The following FHAD1 variants were observed in gnomAD, a reference collection of about 807,000 sequenced individuals.
FHAD1 encodes the protein forkhead-associated domain-containing protein 1.
A neutral mutation model predicts 191.3 loss-of-function variants in FHAD1; 146 were observed. The ratio of observed to expected loss-of-function variants is 0.76; its 90% confidence interval spans 0.67 to 0.88. FHAD1 has a LOEUF of 0.88. FHAD1 is among the 40% of genes least tolerant of loss of function. The pLI is 0.00. For synonymous variants in FHAD1, 616 were observed against 672.3 expected (o/e 0.92, Z 1.29); for missense variants, 1,635 against 1,785.8 (o/e 0.92, Z 1.52).
chr1:15,303,253 G>A (rs1310088328), intron 6 of FHAD1, among the ~76,000 whole-genome samples: 2 of 152,200 alleles, frequency 1.3e-5, no homozygotes, highest in Non-Finnish European at 2.9e-5. Flanking sequence ...TTTTGAAAGA[G>A]CAATGAAAGG....
At chr1:15,361,474 G>A (rs773603122) in intron 22 of FHAD1, among the ~76,000 whole-genome samples, 1 of 151,592 alleles carries the variant, frequency 6.6e-6, no homozygotes, top group South Asian at 2.1e-4. Context: ...CAGCAAGCTG[G>A]CAAGCCATCA....
chr1:15,374,485 C>T lies in FHAD1; in HGVS notation c.3448-17C>T, dbSNP rs967777950. On this transcript the variant is annotated splice_polypyrimidine_tract_variant and intron_variant, in intron 26 of 33. Transcript: ENST00000688493. Reference sequence around the variant, plus strand: ...CTAATCCCTGATCAAATGCTGCCCGCCCCATTCTGCCCACAGCAGCAATCC... The same window carrying T: ...CTAATCCCTGATCAAATGCTGCCCGTCCCATTCTGCCCACAGCAGCAATCC... 1.3e-6 allele frequency: 2 copies of T among 1,551,628 alleles called. No individual in the cohort carries two copies. Among genetic ancestry groups the T allele is most frequent in the Non-Finnish European group, 1.7e-6 (2 of 1,146,930 alleles).
At position 15,333,743 on chromosome 1, in the gene FHAD1, G is replaced by A. The variant is rs77219086; in HGVS notation, c.1906+4202G>A. Among the ~76,000 whole-genome samples, 437 of 151,784 alleles carry A rather than the reference G, an allele frequency of 2.9e-3. 2 individuals are homozygous for A. The highest frequency in any genetic ancestry group is 1.0e-2 in the African/African-American group (413 of 41,316). ...CTCCTGGGGATTTAGCACTGTGTTC[G>A]GTGTTTCACACGCATTGTGTACTTT... On this transcript the variant is annotated intron_variant, in intron 14 of 33. Transcript: ENST00000688493.
At chr1:15,359,464 A>C (rs1299929246) in intron 21 of FHAD1, among the ~76,000 whole-genome samples, 1 of 152,120 alleles carries the variant, frequency 6.6e-6, no homozygotes, top group Non-Finnish European at 1.5e-5. Context: ...GCTGGGATGG[A>C]AACGCCAAGG....
At chr1:15,300,155 G>A (rs1013680241) in intron 5 of FHAD1, among the ~76,000 whole-genome samples, 5 of 152,192 alleles carry the variant, frequency 3.3e-5, no homozygotes, top group East Asian at 1.9e-4. Context: ...TTATTGATGC[G>A]TTCTGGTGAG....
chr1:15,368,737 T>C (rs1697268885), intron 25 of FHAD1, among the ~76,000 whole-genome samples: 1 of 152,110 alleles, frequency 6.6e-6, no homozygotes, highest in South Asian at 2.1e-4. Context: ...GTCAGGAGTT[T>C]GAGACTAGCC....
chr1:15,365,981 A>G, intron 24 of FHAD1, 48 bp downstream of exon 24: 1 of 1,322,796 alleles, frequency 7.6e-7, no homozygotes, highest in African/African-American at 1.5e-5. Context: ...CACTCGAGAA[A>G]GGAAGGAGAT....
At chr1:15,296,154 A>G (rs1666892108) in intron 4 of FHAD1, among the ~76,000 whole-genome samples, 1 of 152,152 alleles carries the variant, frequency 6.6e-6, no homozygotes. Context: ...GGGTAACAGC[A>G]GTTATCAAAG....
chr1:15,301,488 G>A (rs1188694089), intron 6 of FHAD1, 47 bp downstream of exon 6: 9 of 1,524,612 alleles, frequency 5.9e-6, no homozygotes, highest in South Asian at 3.7e-5. Flanking sequence ...GCCAAGGCCC[G>A]GGAGGCCCCA....
At position 15,360,624 on chromosome 1, in the gene FHAD1, C is replaced by T. The variant is rs751182129; in HGVS notation, c.2883C>T (p.Leu961=). ...AGCACGCCCAGACAATTGTGAGCCT[C>T]GAAGAGAAACTCCAGAAAGTCACTC... The part of the protein sequence containing the change: ...IKQHAQTIVS[L]EEKLQKVTQH... Residue 961 remains leucine (L), a synonymous_variant, in exon 22 of 34, where the codon CTC becomes CTT. Coordinates refer to ENST00000688493, the MANE Select transcript of FHAD1 (RefSeq NM_001391957.1). 47 of 1,551,834 alleles carry T rather than the reference C, an allele frequency of 3.0e-5. No individual in the cohort carries two copies. Among genetic ancestry groups the T allele is most frequent in the Non-Finnish European group, 3.9e-5 (45 of 1,147,080 alleles).
intron 3 of FHAD1, among the ~76,000 whole-genome samples, chr1:15,274,164 T>A (rs1427386268): frequency 6.6e-6 from 1 of 152,196 alleles, no homozygotes; most frequent in Non-Finnish European, 1.5e-5. Flanking sequence ...GTGGGCTCCT[T>A]CCGCCTTTTG....
intron 14 of FHAD1, among the ~76,000 whole-genome samples, chr1:15,336,080 G>A (rs549302399): frequency 1.5e-4 from 23 of 152,054 alleles, no homozygotes; most frequent in Non-Finnish European, 1.2e-4. Context: ...CCTCTCCAAC[G>A]CACCAACCCA....
At chr1:15,274,512 T>C (rs1207089474) in intron 3 of FHAD1, among the ~76,000 whole-genome samples, 1 of 151,768 alleles carries the variant, frequency 6.6e-6, no homozygotes, top group Non-Finnish European at 1.5e-5. Flanking sequence ...CTCTGGAGGC[T>C]GAGGCAGGAG....
chr1:15,258,225 G>A (rs1649225507), intron 2 of FHAD1, among the ~76,000 whole-genome samples: 1 of 152,078 alleles, frequency 6.6e-6, no homozygotes, highest in Non-Finnish European at 1.5e-5. Context: ...TATTGAAGAA[G>A]AATTCCCCTT....
chr1:15,344,475 A>G (rs905947532), intron 16 of FHAD1, among the ~76,000 whole-genome samples: 2 of 152,224 alleles, frequency 1.3e-5, no homozygotes, highest in Admixed American at 6.5e-5. Flanking sequence ...GATAGTAAAT[A>G]TTTTCAGTTT....
intron 5 of FHAD1, among the ~76,000 whole-genome samples, chr1:15,300,241 A>T (rs1361094961): frequency 6.6e-6 from 1 of 151,916 alleles, no homozygotes; most frequent in Non-Finnish European, 1.5e-5. Context: ...TCTTTTGGAG[A>T]GATGGGGGAC....
chr1:15,402,913 T>C (rs1348789710), downstream of FHAD1: 1 of 152,236 alleles, frequency 6.6e-6, no homozygotes, highest in African/African-American at 2.4e-5. Flanking sequence ...CTATTGACCA[T>C]AGGTGTCTTA....
At chr1:15,370,777 C>T (rs549076607) in intron 26 of FHAD1, among the ~76,000 whole-genome samples, 2 of 152,158 alleles carry the variant, frequency 1.3e-5, no homozygotes, top group East Asian at 1.9e-4. Context: ...TCCTCAAGGC[C>T]CTGGTTTCCT....
chr1:15,377,089 CA>C (rs1699843449), intron 28 of FHAD1, among the ~76,000 whole-genome samples: 1 of 152,166 alleles, frequency 6.6e-6, no homozygotes, highest in African/African-American at 2.4e-5. Context: ...GATGTTTGGG[CA>C]TTTGATGGAC....
Sources: gnomAD v4.1 joint callset for allele counts (sites outside exome capture counted in the v4.1 genomes callset) on GRCh38, gnomAD v4.1.1 for gene constraint, MANE v1.5 for transcripts, NCBI Gene and HGNC (gene_info 2026-07-23, HGNC 2026-07-21) for gene names.